The following TCP10L variants were observed in gnomAD, a reference collection of about 807,000 sequenced individuals.
TCP10L encodes the protein t-complex 10 like.
In TCP10L, 11 loss-of-function variants were observed where a neutral mutation model predicts 19.2. That is an observed-to-expected ratio of 0.57 (90% CI 0.36 to 0.95). TCP10L has a LOEUF of 0.95. TCP10L is among the 40% of genes least tolerant of loss of function. The pLI is 0.01. For synonymous variants in TCP10L, 96 were observed against 97.2 expected, an observed-to-expected ratio of 0.99 and a Z score of 0.07; for missense variants, 247 against 263.9, an observed-to-expected ratio of 0.94 and a Z score of 0.44.
intron 3 of TCP10L, among the ~76,000 whole-genome samples, chr21:32,581,627 C>T (rs1032307947): frequency 1.1e-4 from 16 of 152,150 alleles, no homozygotes; most frequent in East Asian, 1.9e-4. Flanking sequence ...ACCAAAGAAG[C>T]GAGCCACACC....
At chr21:32,577,073 C>G (rs912443844) in intron 4 of TCP10L, 150 bp from the exon 5 acceptor site, 1 of 782,632 alleles carries the variant, frequency 1.3e-6, no homozygotes, top group African/African-American at 1.8e-5. Context: ...CACTTAGTGT[C>G]TCTCATTCCC....
Position 32,578,849 on chromosome 21 carries a change from G to A in TCP10L, c.361-18C>T, listed in dbSNP as rs1257027275. The stretch of plus-strand genomic sequence containing the variant: ...TCCAATGCCTAAAAGACAAAATGCA[G>A]GGAAATTCTTCACATTTTCGAAGGT... On this transcript the variant is annotated intron_variant, in intron 3 of 4. Transcript: ENST00000300258. This position sits in a 1 kb window ranked among gnomAD's most constrained non-coding sequence, Gnocchi z 4.2. 6.2e-7 allele frequency: 1 copy of A among 1,613,152 alleles called. No individual in the cohort carries two copies. The highest frequency in any genetic ancestry group is 8.5e-7 in the Non-Finnish European group (1 of 1,179,874).
At position 32,582,049 on chromosome 21, in the gene TCP10L, G is replaced by T; in HGVS notation, c.360+151C>A. On this transcript the variant is annotated intron_variant, in intron 3 of 4. Coordinates refer to ENST00000300258, the MANE Select transcript of TCP10L (RefSeq NM_144659.7). The surrounding 1 kb of genome is among the most constrained non-coding windows in gnomAD (Gnocchi z 4.2). ...CCAGTTCTTATTAATCATTACTTAC[G>T]GGAAATGGAGTTGATGGAAAGATAG... 1.2e-6 allele frequency: 1 copy of T among 834,506 alleles called. No homozygotes were observed. Among genetic ancestry groups the T allele is most frequent in the Non-Finnish European group, 1.9e-6 (1 of 526,450 alleles). The allele number at this position is 834,506 out of a possible 1,614,324, so 51.7% of individuals were successfully genotyped here.
At chr21:32,583,684 A>C (rs2038524345) in intron 2 of TCP10L, among the ~76,000 whole-genome samples, 1 of 151,928 alleles carries the variant, frequency 6.6e-6, no homozygotes, top group Non-Finnish European at 1.5e-5. Flanking sequence ...TGGATCGTAG[A>C]GCCTCCAGCC....
In TCP10L at chr21:32,576,328, G is replaced by A. The variant is rs1011679077; in HGVS notation, c.*446C>T. On this transcript the variant is annotated 3_prime_UTR_variant, in exon 5 of 5. Transcript: ENST00000300258. ...TCGGGAAGATGGATGCATAGCCTGGGGCAATGACAGTCACAGGCCCGCCTT... is the reference window on the plus strand; with the variant it reads ...TCGGGAAGATGGATGCATAGCCTGGAGCAATGACAGTCACAGGCCCGCCTT... 2 of 1,513,206 alleles carry A rather than the reference G, an allele frequency of 1.3e-6. No individual in the cohort carries two copies. Among genetic ancestry groups the A allele is most frequent in the Admixed American group, 1.8e-5 (1 of 55,000 alleles). The allele number at this position is 1,513,206 out of a possible 1,614,324, so 93.7% of individuals were successfully genotyped here. A position where few individuals can be genotyped will look rare whatever the true frequency, so the allele number is the denominator to read the frequency against.
At position 32,578,904 on chromosome 21, in the gene TCP10L, G is replaced by A; in HGVS notation, c.361-73C>T. ...TAAATTCAAATTTTAATACAATGAA[G>A]AATAATTGGAATGTCCTAGAAAAAA... On this transcript the variant is annotated intron_variant, in intron 3 of 4. Transcript: ENST00000300258. This position sits in a 1 kb window ranked among gnomAD's most constrained non-coding sequence, Gnocchi z 4.2. The A allele has an allele frequency of 2.5e-6, 4 of 1,605,466 alleles. No individual in the cohort carries two copies. The highest frequency in any genetic ancestry group is 3.5e-4 in the Middle Eastern group (2 of 5,712).
chr21:32,576,490 A>C lies in TCP10L; in HGVS notation c.*284T>G, dbSNP rs2038435107. On this transcript the variant is annotated 3_prime_UTR_variant, in exon 5 of 5. Coordinates refer to ENST00000300258, the MANE Select transcript of TCP10L (RefSeq NM_144659.7). Reference sequence around the variant, plus strand: ...GACACTCCATACTACAAGGTGGGTTAATTTTTTTAAAGACTCTGCAGAAAT... The same window carrying C: ...GACACTCCATACTACAAGGTGGGTTCATTTTTTTAAAGACTCTGCAGAAAT... 1.6e-6 allele frequency: 1 copy of C among 613,224 alleles called. No homozygotes were observed. Among genetic ancestry groups the C allele is most frequent in the Non-Finnish European group, 2.8e-6 (1 of 362,020 alleles). 38.0% of individuals were successfully genotyped at this position (613,224 alleles called of 1,614,324 possible). A position where few individuals can be genotyped will look rare whatever the true frequency, so the allele number is the denominator to read the frequency against.
Position 32,576,630 on chromosome 21 carries a change from ATAAT to A in TCP10L, c.*140_*143del, listed in dbSNP as rs1568978884. On this transcript the variant is annotated 3_prime_UTR_variant, in exon 5 of 5. Coordinates refer to ENST00000300258, the MANE Select transcript of TCP10L (RefSeq NM_144659.7). ...ACTTCAAGTTTTTATCTATAGAAAC[ATAAT>A]TAGTTTAATAAATTACTAGGTCTAT... 1.7e-5 allele frequency: 15 copies of A among 875,746 alleles called. No homozygotes were observed. The East Asian group carries it at 3.2e-4, about 19-fold the overall frequency. The allele number at this position is 875,746 out of a possible 1,614,324, so 54.2% of individuals were successfully genotyped here. A position where few individuals can be genotyped will look rare whatever the true frequency, so the allele number is the denominator to read the frequency against.
intron 1 of TCP10L, among the ~76,000 whole-genome samples, chr21:32,585,142 G>A (rs80045875): frequency 0.024 from 3,609 of 152,210 alleles, 144 homozygotes; most frequent in African/African-American, 0.082. Flanking sequence ...CACAGTGATC[G>A]GAGAAATGCT....
intron 3 of TCP10L, among the ~76,000 whole-genome samples, 194 bp from the exon 4 acceptor site, chr21:32,579,025 T>C (rs909935492): frequency 6.6e-6 from 1 of 152,218 alleles, no homozygotes; most frequent in Non-Finnish European, 1.5e-5. Context: ...GGAACCTTTG[T>C]GGAGCCGATG....
chr21:32,581,511 C>G (rs540042361), intron 3 of TCP10L, among the ~76,000 whole-genome samples: 2 of 152,274 alleles, frequency 1.3e-5, no homozygotes, highest in Admixed American at 6.5e-5. Flanking sequence ...TAACACACAC[C>G]CTCTGGGGCT....
At chr21:32,583,095 C>T (rs62214718) in intron 2 of TCP10L, among the ~76,000 whole-genome samples, 11,579 of 130,340 alleles carry the variant, frequency 0.089, 546 homozygotes, top group Admixed American at 0.11. Context: ...AGTGCAGTGG[C>T]GCAGTCTCAG....
intron 3 of TCP10L, among the ~76,000 whole-genome samples, chr21:32,581,304 G>T (rs2038491963): frequency 6.6e-6 from 1 of 152,208 alleles, no homozygotes; most frequent in African/African-American, 2.4e-5. Flanking sequence ...TCCCCCATCT[G>T]CTGACAGGTA....
Position 32,576,644 on chromosome 21 carries a change from A to C in TCP10L, c.*130T>G. On this transcript the variant is annotated 3_prime_UTR_variant, in exon 5 of 5. Coordinates refer to ENST00000300258, the MANE Select transcript of TCP10L (RefSeq NM_144659.7). Reference sequence around the variant, plus strand: ...TCTATAGAAACATAATTAGTTTAATAAATTACTAGGTCTATTTTGAATAAC... The same window carrying C: ...TCTATAGAAACATAATTAGTTTAATCAATTACTAGGTCTATTTTGAATAAC... 1.0e-6 allele frequency: 1 copy of C among 968,504 alleles called. No individual in the cohort carries two copies. Among genetic ancestry groups the C allele is most frequent in the Non-Finnish European group, 1.5e-6 (1 of 653,290 alleles). The allele number at this position is 968,504 out of a possible 1,614,324, so 60.0% of individuals were successfully genotyped here.
Position 32,578,782 on chromosome 21 carries a change from T to C in TCP10L, c.410A>G (p.Glu137Gly), listed in dbSNP as rs767091822. Reference protein sequence around the residue: ...GKISPLSADEETIPKYAGHKN... With the variant: ...GKISPLSADEGTIPKYAGHKN... ...GTGGCCAGCGTATTTGGGTATTGTC[T>C]CTTCATCAGCTGACAGAGGTGAAAT... The change falls in exon 4 of 5, where the codon GAG becomes GGG. Residue 137 changes from glutamate (E) to glycine (G), a missense_variant. Glu to Gly is a moderately conservative substitution (Grantham distance 98). Transcript: ENST00000300258. The surrounding 1 kb of genome is among the most constrained non-coding windows in gnomAD (Gnocchi z 4.2). 2 of 1,614,218 alleles carry C rather than the reference T, an allele frequency of 1.2e-6. No homozygotes were observed. The highest frequency in any genetic ancestry group is 2.2e-5 in the East Asian group (1 of 44,882).
In TCP10L at chr21:32,578,587, A is replaced by C; in HGVS notation, c.498+107T>G. On this transcript the variant is annotated intron_variant, in intron 4 of 4. Coordinates refer to ENST00000300258, the MANE Select transcript of TCP10L (RefSeq NM_144659.7). This position sits in a 1 kb window ranked among gnomAD's most constrained non-coding sequence, Gnocchi z 4.2. ...AGAACACAGGACTCCAGGGAGCACC[A>C]TGCTCACCCAGGGAGGTGAAATTGT... 1 of 1,496,362 alleles carries C rather than the reference A, an allele frequency of 6.7e-7. No homozygotes were observed. Among genetic ancestry groups the C allele is most frequent in the Non-Finnish European group, 9.0e-7 (1 of 1,110,674 alleles). The allele number at this position is 1,496,362 out of a possible 1,614,324, so 92.7% of individuals were successfully genotyped here.
rs555110479 is a variant in TCP10L, at chr21:32,582,075, C to T, written c.360+125G>A. ...GGAAATGGAGTTGATGGAAAGATAG[C>T]AACCCCTCCCACCACCCGGAGCGTG... On this transcript the variant is annotated intron_variant, in intron 3 of 4. Coordinates refer to ENST00000300258, the MANE Select transcript of TCP10L (RefSeq NM_144659.7). This position sits in a 1 kb window ranked among gnomAD's most constrained non-coding sequence, Gnocchi z 4.2. The T allele has an allele frequency of 4.7e-5, 52 of 1,098,228 alleles. No individual in the cohort carries two copies. The South Asian group carries it at 7.6e-4, about 16-fold the overall frequency. 68.0% of individuals were successfully genotyped at this position (1,098,228 alleles called of 1,614,324 possible).
Position 32,582,077 on chromosome 21 carries a change from A to G in TCP10L, c.360+123T>C. ...AAATGGAGTTGATGGAAAGATAGCAACCCCTCCCACCACCCGGAGCGTGAG... is the reference window on the plus strand; with the variant it reads ...AAATGGAGTTGATGGAAAGATAGCAGCCCCTCCCACCACCCGGAGCGTGAG... On this transcript the variant is annotated intron_variant, in intron 3 of 4. Coordinates refer to ENST00000300258, the MANE Select transcript of TCP10L (RefSeq NM_144659.7). This position sits in a 1 kb window ranked among gnomAD's most constrained non-coding sequence, Gnocchi z 4.2. 8.9e-7 allele frequency: 1 copy of G among 1,118,422 alleles called. No individual in the cohort carries two copies. The highest frequency in any genetic ancestry group is 1.3e-6 in the Non-Finnish European group (1 of 770,716). 69.3% of individuals were successfully genotyped at this position (1,118,422 alleles called of 1,614,324 possible).
rs1014009089 is a variant in TCP10L at position 32,578,470 on chromosome 21, G to A, written c.498+224C>T. ...CTTGCTGCTGTGAGTGTACTCAGAG[G>A]GAAGCAGCCGGGAGGACTTGGAATC... On this transcript the variant is annotated intron_variant, in intron 4 of 4. Coordinates refer to ENST00000300258, the MANE Select transcript of TCP10L (RefSeq NM_144659.7). The surrounding 1 kb of genome is among the most constrained non-coding windows in gnomAD (Gnocchi z 4.2). Among the ~76,000 whole-genome samples the A allele has an allele frequency of 5.9e-5, 9 of 152,228 alleles. No homozygotes were observed. The highest frequency in any genetic ancestry group is 2.2e-4 in the African/African-American group (9 of 41,464).
Sources: gnomAD v4.1 joint callset for allele counts (sites outside exome capture counted in the v4.1 genomes callset) on GRCh38, gnomAD v4.1.1 for gene constraint, Gnocchi (gnomAD v3.1) non-coding constraint, MANE v1.5 for transcripts, NCBI Gene and HGNC (gene_info 2026-07-23, HGNC 2026-07-21) for gene names.